DYSF: variants seen among roughly 807,000 people sequenced by gnomAD.
DYSF encodes dysferlin.
A neutral mutation model predicts 274.9 loss-of-function variants in DYSF; 212 were observed. That is an observed-to-expected ratio of 0.77 (90% confidence interval 0.69 to 0.86). DYSF has a LOEUF of 0.86. DYSF is among the 40% of genes least tolerant of loss of function. The probability of loss-of-function intolerance (pLI) is 0.00; values close to 1 mark genes in which losing one functional copy is unlikely to be tolerated. For synonymous variants in DYSF, 1,091 were observed against 1,078.7 expected, an observed-to-expected ratio of 1.01 and a Z score of -0.22; for missense variants, 2,666 against 2,783.2, an observed-to-expected ratio of 0.96 and a Z score of 0.95.
intron 30 of DYSF, among the ~76,000 whole-genome samples, chr2:71,577,461 AAC>A (rs2092743798): frequency 6.7e-6 from 1 of 150,350 alleles, no homozygotes. Flanking sequence ...CACACACACC[AAC>A]ACACTCTCTA....
intron 4 of DYSF, among the ~76,000 whole-genome samples, chr2:71,504,690 G>A (rs2085315394): frequency 6.6e-6 from 1 of 152,222 alleles, no homozygotes; most frequent in Non-Finnish European, 1.5e-5. Context: ...TGGGACACCA[G>A]CATCTCTCCA....
chr2:71,570,223 C>T lies in DYSF; in HGVS notation c.2980-6C>T. ...TCATTGCTTGCCTGTTCGGTTTTGTCCTTAGAACGGGGAGAAGGTGCTTCC... is the reference window on the plus strand; with the variant it reads ...TCATTGCTTGCCTGTTCGGTTTTGTTCTTAGAACGGGGAGAAGGTGCTTCC... On this transcript the variant is annotated splice_region_variant and splice_polypyrimidine_tract_variant and intron_variant, in intron 27 of 55. Transcript: ENST00000410020. The T allele has an allele frequency of 6.2e-7, 1 of 1,613,654 alleles. No homozygotes were observed. Among genetic ancestry groups the T allele is most frequent in the Non-Finnish European group, 8.5e-7 (1 of 1,179,592 alleles).
Position 71,602,757 on chromosome 2 carries a change from TCC to T in DYSF, c.3928-17_3928-16del. On this transcript the variant is annotated splice_polypyrimidine_tract_variant and intron_variant, in intron 35 of 55. Coordinates refer to ENST00000410020, the MANE Select transcript of DYSF (RefSeq NM_001130987.2). ...CTCACCATCTCCTGGATGTGCCACA[TCC>T]CATGGCTGTGGGCCAGGTGCAGGAG... 1.9e-6 allele frequency: 3 copies of T among 1,612,446 alleles called. No homozygotes were observed. The highest frequency in any genetic ancestry group is 2.5e-6 in the Non-Finnish European group (3 of 1,179,564).
In DYSF at chr2:71,665,162, C is replaced by A. The variant is rs751910583; in HGVS notation, c.5175C>A (p.Val1725=). ...TCTATGTCTTGTGCTTGCTCCTCAG[C>A]TCTGGACCGAACCAGTGGCGGGACC... The part of the protein sequence containing the change: ...ARCGLPQTYC[V]SGPNQWRDQL... Residue 1725 remains valine (V), a splice_region_variant and synonymous_variant, in exon 47 of 56, where the codon GTC becomes GTA. Coordinates refer to ENST00000410020, the MANE Select transcript of DYSF (RefSeq NM_001130987.2). 10 of 1,613,832 alleles carry A rather than the reference C, an allele frequency of 6.2e-6. No homozygotes were observed. Among genetic ancestry groups the A allele is most frequent in the Non-Finnish European group, 7.6e-6 (9 of 1,180,034 alleles).
intron 24 of DYSF, among the ~76,000 whole-genome samples, chr2:71,564,451 G>A (rs2091965800): frequency 6.6e-6 from 1 of 152,180 alleles, no homozygotes; most frequent in South Asian, 2.1e-4. Context: ...ACTGGCGCTG[G>A]GAGTGAATGA....
At chr2:71,491,415 G>T (rs575583807) in intron 3 of DYSF, among the ~76,000 whole-genome samples, 2 of 152,186 alleles carry the variant, frequency 1.3e-5, no homozygotes, top group African/African-American at 4.8e-5. Context: ...ACCTTTATTT[G>T]TTTGTTTTAA....
At chr2:71,576,820 A>T (rs941304995) in intron 30 of DYSF, 2 of 152,468 alleles carry the variant, frequency 1.3e-5, no homozygotes, top group African/African-American at 4.8e-5. Flanking sequence ...CCAAGCTTTC[A>T]TGGCTCAGCG....
At chr2:71,466,289 A>T (rs1306846748), upstream of DYSF, among the ~76,000 whole-genome samples, 1 of 152,120 alleles carries the variant, frequency 6.6e-6, no homozygotes, top group African/African-American at 2.4e-5. Context: ...CCCCGAAGAC[A>T]CACTCTCGTC....
chr2:71,626,186 C>T (rs1233414718), intron 41 of DYSF, among the ~76,000 whole-genome samples: 3 of 151,788 alleles, frequency 2.0e-5, no homozygotes, highest in Non-Finnish European at 2.9e-5. Flanking sequence ...GTTCTATGTA[C>T]TTGGTTATAG....
chr2:71,571,157 C>CCGAGCATGGATCACAT (rs2092408525), intron 29 of DYSF, among the ~76,000 whole-genome samples: 1 of 149,890 alleles, frequency 6.7e-6, no homozygotes, highest in African/African-American at 2.5e-5. Flanking sequence ...ACAGATCACA[C>CCGAGCATGGATCACAT]CCAGCACACC....
intron 16 of DYSF, among the ~76,000 whole-genome samples, chr2:71,538,179 C>A (rs757092460): frequency 6.6e-6 from 1 of 152,158 alleles, no homozygotes; most frequent in African/African-American, 2.4e-5. Context: ...CTGGTAGTGC[C>A]GATGTGAGAA....
At position 71,553,019 on chromosome 2, in the gene DYSF, TAGG is replaced by T; in HGVS notation, c.1819_1821del (p.Arg608del). ...CTACTCTCTGCTCTCAGAAGTACCT[TAGG>T]AGGCGCAAGTACTCCCTGTTTGCGG... On this transcript the variant is annotated inframe_deletion, in exon 20 of 56. Coordinates refer to ENST00000410020, the MANE Select transcript of DYSF (RefSeq NM_001130987.2). The T allele has an allele frequency of 6.2e-7, 1 of 1,614,158 alleles. No individual in the cohort carries two copies. Among genetic ancestry groups the T allele is most frequent in the Non-Finnish European group, 8.5e-7 (1 of 1,180,020 alleles).
intron 30 of DYSF, among the ~76,000 whole-genome samples, chr2:71,584,658 C>T (rs1389299047): frequency 6.6e-6 from 1 of 152,138 alleles, no homozygotes; most frequent in Admixed American, 6.5e-5. Flanking sequence ...ATTGGACGCC[C>T]ACTACATGCT....
intron 32 of DYSF, among the ~76,000 whole-genome samples, chr2:71,592,315 T>C (rs373352968): frequency 1.3e-5 from 2 of 152,154 alleles, no homozygotes; most frequent in East Asian, 3.9e-4. Flanking sequence ...CGTCACACTT[T>C]CCATCCTGGC....
intron 42 of DYSF, among the ~76,000 whole-genome samples, chr2:71,649,727 A>G (rs2094624350): frequency 6.6e-6 from 1 of 152,222 alleles, no homozygotes; most frequent in African/African-American, 2.4e-5. Flanking sequence ...ATATAAATAC[A>G]TTACATGACT....
rs2091315279 is a variant in DYSF at position 71,556,074 on chromosome 2, A to C, written c.2216+3A>C. The C allele has an allele frequency of 6.4e-7, 1 of 1,563,246 alleles. No individual in the cohort carries two copies. Among genetic ancestry groups the C allele is most frequent in the South Asian group, 1.2e-5 (1 of 84,974 alleles). ...GATGAGCTCATCGCAGGCTGCAGGT[A>C]GGGGGGACCTGGCGCCCCTGGTGCC... On this transcript the variant is annotated splice_donor_region_variant and intron_variant, in intron 22 of 55. Coordinates refer to ENST00000410020, the MANE Select transcript of DYSF (RefSeq NM_001130987.2).
intron 3 of DYSF, among the ~76,000 whole-genome samples, chr2:71,489,304 T>C (rs2083616825): frequency 6.6e-6 from 1 of 152,104 alleles, no homozygotes; most frequent in African/African-American, 2.4e-5. Flanking sequence ...AAGCACCAAA[T>C]CATATGAATG....
chr2:71,652,484 A>C (rs2094683242), intron 42 of DYSF, among the ~76,000 whole-genome samples: 1 of 152,196 alleles, frequency 6.6e-6, no homozygotes, highest in Admixed American at 6.5e-5. Flanking sequence ...CCAACAAAAG[A>C]AGCTTCATGA....
chr2:71,682,863 C>A (rs2095313009), intron 55 of DYSF, among the ~76,000 whole-genome samples, 186 bp downstream of exon 55: 1 of 152,196 alleles, frequency 6.6e-6, no homozygotes, highest in South Asian at 2.1e-4. Flanking sequence ...GTACAAAGTT[C>A]TACCCTTGGA....
Sources: allele counts gnomAD v4.1 joint callset (sites outside exome capture counted in the v4.1 genomes callset), GRCh38; gene constraint gnomAD v4.1.1; transcripts MANE v1.5; gene names NCBI Gene and HGNC (gene_info 2026-07-23, HGNC 2026-07-21).